CDH11: variants seen among roughly 807,000 people sequenced by gnomAD.
CDH11 encodes the protein cadherin 11.
Under a neutral mutation model 67.8 loss-of-function variants are expected in CDH11, and 11 were observed. The observed-to-expected ratio is 0.16, with a 90% confidence interval of 0.10 to 0.27. CDH11 has a LOEUF of 0.27. Ranked by LOEUF, CDH11 falls within the 10% of genes least tolerant of loss-of-function variation. CDH11 has a pLI of 1.00. For missense variants in CDH11, 847 were observed against 1,031.2 expected (o/e 0.82, Z 2.45); for synonymous variants, 419 against 400.0 (o/e 1.05, Z -0.57).
In CDH11 at chr16:65,092,162, C is replaced by A. The variant is rs150946328; in HGVS notation, c.-298+29718G>T. ...CATCACTTATCTCCATCCTACAGCA[C>A]AGTGATTGCTACACTGCAGCCCCTC... On this transcript the variant is annotated intron_variant, in intron 1 of 12. Coordinates refer to ENST00000268603, the MANE Select transcript of CDH11 (RefSeq NM_001797.4). Among the ~76,000 whole-genome samples the A allele has an allele frequency of 2.3e-3, 356 of 152,306 alleles. 2 individuals carry two copies. Among genetic ancestry groups the A allele is most frequent in the African/African-American group, 7.9e-3 (328 of 41,564 alleles).
At chr16:64,961,019 G>A (rs1424383963) in intron 11 of CDH11, among the ~76,000 whole-genome samples, 2 of 152,104 alleles carry the variant, frequency 1.3e-5, no homozygotes, top group African/African-American at 4.8e-5. Flanking sequence ...TGCTGGATGT[G>A]CTTTTGGGGA....
intron 11 of CDH11, among the ~76,000 whole-genome samples, chr16:64,953,875 C>T (rs2071430683): frequency 6.6e-6 from 1 of 152,068 alleles, no homozygotes; most frequent in Non-Finnish European, 1.5e-5. Flanking sequence ...GGTGACATGC[C>T]CAGCAGATGA....
chr16:64,952,287 T>C (rs572739985), intron 11 of CDH11, among the ~76,000 whole-genome samples: 1 of 152,344 alleles, frequency 6.6e-6, no homozygotes, highest in East Asian at 1.9e-4. Context: ...CATAACCTAC[T>C]CTTCTGTCAT....
chr16:65,065,789 A>C (rs1406739179), intron 1 of CDH11, among the ~76,000 whole-genome samples: 1 of 152,196 alleles, frequency 6.6e-6, no homozygotes, highest in African/African-American at 2.4e-5. Flanking sequence ...GCACACCCTA[A>C]ACCAGGGGCC....
intron 1 of CDH11, among the ~76,000 whole-genome samples, chr16:65,088,115 G>A (rs1039647027): frequency 1.2e-4 from 18 of 152,092 alleles, no homozygotes; most frequent in African/African-American, 3.4e-4. Context: ...TGGCATCAGC[G>A]TCCTTACAAA....
At chr16:65,078,102 G>C (rs573458910) in intron 1 of CDH11, among the ~76,000 whole-genome samples, 5 of 152,062 alleles carry the variant, frequency 3.3e-5, no homozygotes, top group African/African-American at 1.2e-4. Context: ...GCAAATAATC[G>C]CATCCTCTGT....
At chr16:65,099,243 T>C (rs2074949759) in intron 1 of CDH11, among the ~76,000 whole-genome samples, 1 of 152,080 alleles carries the variant, frequency 6.6e-6, no homozygotes, top group African/African-American at 2.4e-5. Context: ...AGTGAAAACA[T>C]GGAATATTTA....
chr16:64,968,339 CT>C (rs1205644732), intron 11 of CDH11: 1,904 of 666,312 alleles, frequency 2.9e-3, no homozygotes, highest in Non-Finnish European at 3.2e-3. Flanking sequence ...TTATCTCAGT[CT>C]TTTTTTTTTC....
intron 2 of CDH11, among the ~76,000 whole-genome samples, chr16:65,012,839 G>A (rs2073210399): frequency 6.6e-6 from 1 of 152,214 alleles, no homozygotes; most frequent in Non-Finnish European, 1.5e-5. Flanking sequence ...TAATGTAGCT[G>A]TATGAATCAC....
Position 64,947,800 on chromosome 16 carries a change from G to A in CDH11, c.2194C>T (p.Pro732Ser), listed in dbSNP as rs199744084. ...NTRIQEADND[P>S]TAPPYDSIQI... ...ATGGAGTCATAAGGAGGAGCCGTGGGGTCATTGTCTGCCTCCTGTATTCTC... is the reference window on the plus strand; with the variant it reads ...ATGGAGTCATAAGGAGGAGCCGTGGAGTCATTGTCTGCCTCCTGTATTCTC... The change falls in exon 13 of 13, where the codon CCC (proline) becomes TCC (serine). Residue 732 changes from proline to serine, a missense_variant. Around this residue, in one of 2 missense-constraint regions of CDH11, gnomAD observed 612 missense variants for 678.7 expected, o/e 0.90. Coordinates refer to ENST00000268603, the MANE Select transcript of CDH11 (RefSeq NM_001797.4). 18 of 1,614,104 alleles carry A rather than the reference G, an allele frequency of 1.1e-5. No homozygotes were observed. Among genetic ancestry groups the A allele is most frequent in the Non-Finnish European group, 1.4e-5 (17 of 1,180,018 alleles).
At chr16:64,955,404 A>C (rs888971055) in intron 11 of CDH11, among the ~76,000 whole-genome samples, 2 of 151,912 alleles carry the variant, frequency 1.3e-5, no homozygotes, top group Non-Finnish European at 2.9e-5. Context: ...CTGCACTCCA[A>C]CCTGGGAGAC....
intron 2 of CDH11, among the ~76,000 whole-genome samples, chr16:65,020,534 T>C (rs1164827390): frequency 6.6e-6 from 1 of 152,158 alleles, no homozygotes; most frequent in Admixed American, 6.5e-5. Context: ...TTTCACCATG[T>C]TGGCCAGGCT....
At chr16:65,099,382 T>C (rs1377005780) in intron 1 of CDH11, among the ~76,000 whole-genome samples, 1 of 152,174 alleles carries the variant, frequency 6.6e-6, no homozygotes, top group Non-Finnish European at 1.5e-5. Flanking sequence ...GCACTGTCAA[T>C]CACAAGGATA....
intron 5 of CDH11, among the ~76,000 whole-genome samples, chr16:64,992,568 G>A (rs1433211028): frequency 1.3e-5 from 2 of 152,236 alleles, no homozygotes; most frequent in Non-Finnish European, 2.9e-5. Flanking sequence ...ACCTTTGGAA[G>A]CTTTTTCTCT....
At chr16:65,093,923 A>T (rs904078539) in intron 1 of CDH11, among the ~76,000 whole-genome samples, 2 of 152,154 alleles carry the variant, frequency 1.3e-5, no homozygotes, top group Non-Finnish European at 2.9e-5. Context: ...ATTAGAACCA[A>T]CTCTGCCTTA....
chr16:65,000,988 C>T (rs2072907360), intron 3 of CDH11, among the ~76,000 whole-genome samples: 2 of 151,434 alleles, frequency 1.3e-5, no homozygotes, highest in Admixed American at 6.6e-5. Context: ...GCCTAGAGAC[C>T]TTAACTCATG....
At chr16:64,997,097 A>C (rs1325181520) in intron 4 of CDH11, among the ~76,000 whole-genome samples, 1 of 151,930 alleles carries the variant, frequency 6.6e-6, no homozygotes, top group East Asian at 1.9e-4. Flanking sequence ...TCAGGAGTTC[A>C]AGACCAGCCT....
chr16:65,078,960 A>C (rs1473629180), intron 1 of CDH11, among the ~76,000 whole-genome samples: 3 of 152,244 alleles, frequency 2.0e-5, no homozygotes, highest in Non-Finnish European at 4.4e-5. Context: ...TTTGGATGTG[A>C]AAAGTGAAAT....
upstream of CDH11, chr16:65,123,636 G>A (rs1382383550): frequency 2.6e-5 from 4 of 152,078 alleles, no homozygotes; most frequent in Non-Finnish European, 5.9e-5. Flanking sequence ...GGAGACGCCC[G>A]CGGGGGCGGG....
Sources: gnomAD v4.1 joint callset for allele counts (sites outside exome capture counted in the v4.1 genomes callset) on GRCh38, gnomAD v4.1.1 for gene constraint, gnomAD v4.1.1 regional missense constraint, MANE v1.5 for transcripts, NCBI Gene and HGNC (gene_info 2026-07-23, HGNC 2026-07-21) for gene names.